The following PRLR variants were observed in gnomAD, a reference collection of about 807,000 sequenced individuals.
PRLR encodes the protein hPRL receptor.
Under a neutral mutation model 40.2 loss-of-function variants are expected in PRLR, and 13 were observed. That is an observed-to-expected ratio of 0.32 (90% CI 0.21 to 0.51). The LOEUF is 0.51. Among genes scored for constraint, PRLR ranks in the 20% least tolerant of loss-of-function variants. The pLI is 0.97. For missense variants in PRLR, 656 were observed against 747.3 expected (o/e 0.88, Z 1.42); for synonymous variants, 269 against 278.7 (o/e 0.97, Z 0.35).
At chr5:35,229,204 T>G (rs1461275387) in intron 1 of PRLR, among the ~76,000 whole-genome samples, 1 of 151,582 alleles carries the variant, frequency 6.6e-6, no homozygotes, top group Admixed American at 6.6e-5. Context: ...GGTAAGTATC[T>G]TGCCCAAGTT....
At chr5:35,161,790 T>C (rs1385205931) in intron 1 of PRLR, among the ~76,000 whole-genome samples, 1 of 152,268 alleles carries the variant, frequency 6.6e-6, no homozygotes, top group Non-Finnish European at 1.5e-5. Context: ...AAGATCTGGC[T>C]AGAGCCAGTA....
intron 1 of PRLR, among the ~76,000 whole-genome samples, chr5:35,207,698 T>C (rs1561365501): frequency 6.6e-6 from 1 of 151,970 alleles, no homozygotes; most frequent in Non-Finnish European, 1.5e-5. Context: ...AATAAAAACA[T>C]CTTATTCTCC....
chr5:35,189,932 T>C (rs1258638332), intron 1 of PRLR, among the ~76,000 whole-genome samples: 1 of 151,950 alleles, frequency 6.6e-6, no homozygotes, highest in African/African-American at 2.4e-5. Context: ...AGGATCAGAG[T>C]AGACATCCTG....
chr5:35,084,200 G>T (rs1020106403), intron 5 of PRLR, among the ~76,000 whole-genome samples: 1 of 152,186 alleles, frequency 6.6e-6, no homozygotes, highest in African/African-American at 2.4e-5. Flanking sequence ...GAGTTGGCAA[G>T]GGAAACATAC....
At chr5:35,139,950 A>T (rs189937654) in intron 1 of PRLR, among the ~76,000 whole-genome samples, 41 of 152,344 alleles carry the variant, frequency 2.7e-4, no homozygotes, top group African/African-American at 9.4e-4. Flanking sequence ...AAGTAGAGAA[A>T]ATAAAAGTCT....
chr5:35,078,596 C>A (rs145535916), intron 5 of PRLR, among the ~76,000 whole-genome samples: 11,481 of 152,088 alleles, frequency 0.075, 589 homozygotes, highest in Non-Finnish European at 0.11. Flanking sequence ...AGTCCAGGAC[C>A]AGACGGATTC....
At chr5:35,183,680 G>A (rs532412504) in intron 1 of PRLR, among the ~76,000 whole-genome samples, 2 of 152,300 alleles carry the variant, frequency 1.3e-5, no homozygotes, top group South Asian at 2.1e-4. Context: ...ACTGGGAGAA[G>A]GGTCACAGAG....
intron 1 of PRLR, among the ~76,000 whole-genome samples, chr5:35,149,335 C>T (rs1774276183): frequency 6.6e-6 from 1 of 152,148 alleles, no homozygotes; most frequent in Admixed American, 6.5e-5. Context: ...TGAGGGTTAA[C>T]TGGCTGACCT....
chr5:35,105,620 A>C (rs2111587597), intron 2 of PRLR, among the ~76,000 whole-genome samples: 1 of 152,316 alleles, frequency 6.6e-6, no homozygotes, highest in Middle Eastern at 3.4e-3. Flanking sequence ...AGTGGAAGAA[A>C]GGGTATCAGT....
Position 35,173,665 on chromosome 5 carries a change from C to T in PRLR, c.-105-55543G>A, listed in dbSNP as rs141373693. Among the ~76,000 whole-genome samples the T allele has an allele frequency of 9.7e-4, 148 of 152,318 alleles. 1 individual carries two copies. Among genetic ancestry groups the T allele is most frequent in the South Asian group, 1.0e-3 (5 of 4,826 alleles). On this transcript the variant is annotated intron_variant, in intron 1 of 9. Coordinates refer to ENST00000618457, the MANE Select transcript of PRLR (RefSeq NM_000949.7). ...CCCTGTTTCTCTTTATTTTTGGCAA[C>T]CAAAACTTTCCTGCCTCTTATGTCT...
rs1315084451 is a variant in PRLR at position 35,057,096 on chromosome 5, T to C, written c.*7993A>G. 1 of 152,168 alleles carries C rather than the reference T, an allele frequency of 6.6e-6. No homozygotes were observed. The highest frequency in any genetic ancestry group is 1.9e-4 in the East Asian group (1 of 5,206). 9.4% of individuals were successfully genotyped at this position (152,168 alleles called of 1,614,324 possible). A position where few individuals can be genotyped will look rare whatever the true frequency, so the allele number is the denominator to read the frequency against. On this transcript the variant is annotated 3_prime_UTR_variant, in exon 10 of 10. Coordinates refer to ENST00000618457, the MANE Select transcript of PRLR (RefSeq NM_000949.7). Reference sequence around the variant, plus strand: ...CAAAAGGATTCCCCACTTAAAAAAATGCTTTGGTTCTTCCTTTATTTCACA... The same window carrying C: ...CAAAAGGATTCCCCACTTAAAAAAACGCTTTGGTTCTTCCTTTATTTCACA...
Position 35,179,547 on chromosome 5 carries a change from G to A in PRLR, c.-106+50721C>T, listed in dbSNP as rs146988561. Reference sequence around the variant, plus strand: ...TACATTACTACCTGTGCCTCATTGCGAGTGCTCAGTGGGTCACACAGTGAC... The same window carrying A: ...TACATTACTACCTGTGCCTCATTGCAAGTGCTCAGTGGGTCACACAGTGAC... On this transcript the variant is annotated intron_variant, in intron 1 of 9. Transcript: ENST00000618457. Among the ~76,000 whole-genome samples, 356 of 152,282 alleles carry A rather than the reference G, an allele frequency of 2.3e-3. 1 individual carries two copies. The highest frequency in any genetic ancestry group is 8.2e-3 in the African/African-American group (340 of 41,560).
At chr5:35,080,077 T>TA (rs1301779477) in intron 5 of PRLR, among the ~76,000 whole-genome samples, 1 of 152,038 alleles carries the variant, frequency 6.6e-6, no homozygotes, top group East Asian at 1.9e-4. Context: ...CCTAAAACCA[T>TA]AAAAAAATCT....
At chr5:35,105,761 G>C (rs1772198024) in intron 2 of PRLR, among the ~76,000 whole-genome samples, 1 of 152,246 alleles carries the variant, frequency 6.6e-6, no homozygotes, top group South Asian at 2.1e-4. Context: ...TGGTGTACCT[G>C]AAAGTAACAA....
chr5:35,183,820 T>G (rs1579775148), intron 1 of PRLR, among the ~76,000 whole-genome samples: 2 of 152,230 alleles, frequency 1.3e-5, no homozygotes, highest in South Asian at 4.1e-4. Context: ...GGTTATAGAC[T>G]GGTGTATCTG....
chr5:35,083,455 T>C (rs1252668841), intron 5 of PRLR, among the ~76,000 whole-genome samples: 4 of 151,178 alleles, frequency 2.6e-5, no homozygotes, highest in Non-Finnish European at 5.9e-5. Flanking sequence ...TCTCTGTGTG[T>C]GTGTGTGTGT....
intron 1 of PRLR, among the ~76,000 whole-genome samples, chr5:35,186,229 A>G (rs1329212011): frequency 2.0e-5 from 3 of 152,134 alleles, no homozygotes; most frequent in African/African-American, 7.2e-5. Context: ...ATTGAAACAA[A>G]TAAGATCTAT....
Position 35,057,889 on chromosome 5 carries a change from G to T in PRLR, c.*7200C>A, listed in dbSNP as rs1294120084. ...TGACTAAAATCAAATAAGGAAAAGG[G>T]TTATTTCTAGGGGGGTTACAGAAGT... On this transcript the variant is annotated 3_prime_UTR_variant, in exon 10 of 10. Transcript: ENST00000618457. 1 of 152,044 alleles carries T rather than the reference G, an allele frequency of 6.6e-6. No individual in the cohort carries two copies. Among genetic ancestry groups the T allele is most frequent in the Non-Finnish European group, 1.5e-5 (1 of 67,976 alleles). The allele number at this position is 152,044 out of a possible 1,614,324, so 9.4% of individuals were successfully genotyped here.
At chr5:35,106,431 C>A (rs1215914840) in intron 2 of PRLR, among the ~76,000 whole-genome samples, 2 of 152,150 alleles carry the variant, frequency 1.3e-5, no homozygotes, top group Non-Finnish European at 2.9e-5. Flanking sequence ...CACAGGCTGG[C>A]AAATTGGATA....
Sources: gnomAD v4.1 joint callset for allele counts (sites outside exome capture counted in the v4.1 genomes callset) on GRCh38, gnomAD v4.1.1 for gene constraint, MANE v1.5 for transcripts, NCBI Gene and HGNC (gene_info 2026-07-23, HGNC 2026-07-21) for gene names.